Variants in HTR1E observed in about 807,000 individuals in gnomAD.
The protein encoded by HTR1E is 5-HT-1E.
In HTR1E, 3 loss-of-function variants were observed where a neutral mutation model predicts 3.4. The observed-to-expected ratio is 0.89, with a 90% confidence interval of 0.41 to 2.31. HTR1E has a LOEUF of 2.31. Ranked by LOEUF, HTR1E falls within the 30% of genes most tolerant of loss-of-function variation. The pLI is 0.05. For synonymous variants in HTR1E, 170 were observed against 182.8 expected (o/e 0.93, Z 0.56); for missense variants, 392 against 467.0 (o/e 0.84, Z 1.48).
chr6:86,973,013 G>A (rs546677050), intron 1 of HTR1E, among the ~76,000 whole-genome samples: 1 of 152,268 alleles, frequency 6.6e-6, no homozygotes, highest in South Asian at 2.1e-4. Flanking sequence ...TACCACTGCT[G>A]TTTCTAGTTA....
intron 1 of HTR1E, among the ~76,000 whole-genome samples, chr6:86,944,752 G>A (rs1488828671): frequency 6.6e-6 from 1 of 152,146 alleles, no homozygotes; most frequent in Admixed American, 6.5e-5. Context: ...CCACATATAT[G>A]ACAGTGGTCC....
chr6:86,975,122 T>C (rs1190781135), intron 1 of HTR1E, among the ~76,000 whole-genome samples: 1 of 152,174 alleles, frequency 6.6e-6, no homozygotes, highest in Non-Finnish European at 1.5e-5. Context: ...CATGGGAATG[T>C]ATGGAAGTGC....
At chr6:86,940,226 C>T (rs1033815031) in intron 1 of HTR1E, among the ~76,000 whole-genome samples, 1 of 152,078 alleles carries the variant, frequency 6.6e-6, no homozygotes, top group Non-Finnish European at 1.5e-5. Context: ...CACCAAGATA[C>T]CAAGGCTGCA....
intron 1 of HTR1E, among the ~76,000 whole-genome samples, chr6:86,977,230 G>A (rs967422857): frequency 6.6e-5 from 10 of 152,018 alleles, no homozygotes; most frequent in Non-Finnish European, 1.0e-4. Context: ...TTGTTCCCAC[G>A]TTTGTGTCCG....
intron 1 of HTR1E, among the ~76,000 whole-genome samples, chr6:87,009,046 C>T (rs1371187174): frequency 4.0e-5 from 6 of 150,646 alleles, no homozygotes; most frequent in African/African-American, 1.2e-4. Flanking sequence ...ATACGCCACA[C>T]TTCTTTTTAT....
At chr6:86,994,049 G>A (rs746109754) in intron 1 of HTR1E, among the ~76,000 whole-genome samples, 2 of 151,868 alleles carry the variant, frequency 1.3e-5, no homozygotes, top group Non-Finnish European at 2.9e-5. Context: ...GGAAAAGATC[G>A]GTGAACTTAA....
In HTR1E at chr6:86,961,436, A is replaced by G. The variant is rs374550872; in HGVS notation, c.-186+23613A>G. 1.2e-4 allele frequency among the ~76,000 whole-genome samples: 19 copies of G among 152,336 alleles called. No homozygotes were observed. In the East Asian group the frequency reaches 3.7e-3, roughly 29 times the overall value. The stretch of plus-strand genomic sequence containing the variant: ...TTACACATCCCATTTGAATGACACT[A>G]AAATGTATAAAATCAATTATATGAG... On this transcript the variant is annotated intron_variant, in intron 1 of 1. Coordinates refer to ENST00000305344, the MANE Select transcript of HTR1E (RefSeq NM_000865.3).
At chr6:86,977,954 G>A (rs982295560) in intron 1 of HTR1E, among the ~76,000 whole-genome samples, 6 of 151,986 alleles carry the variant, frequency 3.9e-5, no homozygotes, top group East Asian at 1.9e-4. Flanking sequence ...TATCAGATGC[G>A]TAATTTACAA....
chr6:86,966,500 T>A (rs1384198881), intron 1 of HTR1E, among the ~76,000 whole-genome samples: 1 of 152,196 alleles, frequency 6.6e-6, no homozygotes, highest in Non-Finnish European at 1.5e-5. Flanking sequence ...TGTGGGAGAC[T>A]TTCCAAGATT....
chr6:86,949,910 G>A (rs971964973), intron 1 of HTR1E, among the ~76,000 whole-genome samples: 3 of 152,056 alleles, frequency 2.0e-5, no homozygotes, highest in African/African-American at 7.2e-5. Flanking sequence ...TTGGTTAGTA[G>A]GCTCCCGTTA....
intron 1 of HTR1E, among the ~76,000 whole-genome samples, chr6:86,994,576 G>A (rs1472131436): frequency 1.7e-5 from 2 of 115,192 alleles, no homozygotes; most frequent in Non-Finnish European, 3.8e-5. Context: ...TAGGTGAAGG[G>A]AAACTAAGGG....
intron 1 of HTR1E, among the ~76,000 whole-genome samples, chr6:86,966,604 T>C (rs928411867): frequency 6.6e-6 from 1 of 152,118 alleles, no homozygotes; most frequent in Non-Finnish European, 1.5e-5. Flanking sequence ...TCCCATCCCT[T>C]GAGTCTAGGA....
chr6:86,962,730 C>T (rs1030853822), intron 1 of HTR1E, among the ~76,000 whole-genome samples: 3 of 152,050 alleles, frequency 2.0e-5, no homozygotes, highest in African/African-American at 7.2e-5. Context: ...CCCAGCTTCT[C>T]AGGAGGCTGA....
intron 1 of HTR1E, among the ~76,000 whole-genome samples, chr6:86,985,275 GA>G (rs1349384515): frequency 2.0e-5 from 3 of 149,812 alleles, no homozygotes; most frequent in East Asian, 2.0e-4. Flanking sequence ...ACTAGAGACA[GA>G]AAAAAAAAGA....
chr6:87,003,104 A>G lies in HTR1E; in HGVS notation c.-185-12046A>G, dbSNP rs375733314. On this transcript the variant is annotated intron_variant, in intron 1 of 1. Transcript: ENST00000305344. ...AAAAAGCCTTAAAACATTCAAAAAA[A>G]TTGAAATGATATCAAATATCTTCTC... Among the ~76,000 whole-genome samples the G allele has an allele frequency of 2.8e-4, 43 of 152,366 alleles. No homozygotes were observed. In the East Asian group the frequency reaches 6.9e-3, roughly 25 times the overall value.
chr6:87,010,713 A>C (rs1430491019), intron 1 of HTR1E, among the ~76,000 whole-genome samples: 2 of 131,846 alleles, frequency 1.5e-5, no homozygotes, highest in South Asian at 2.7e-4. Context: ...ATGGGCGGCC[A>C]GGCAGAGACA....
At chr6:87,014,206 A>C (rs1171891850) in intron 1 of HTR1E, among the ~76,000 whole-genome samples, 1 of 151,476 alleles carries the variant, frequency 6.6e-6, no homozygotes, top group South Asian at 2.1e-4. Context: ...ACATGTATAC[A>C]TATGTAACAA....
intron 1 of HTR1E, among the ~76,000 whole-genome samples, chr6:86,984,980 C>A (rs950024664): frequency 1.3e-5 from 2 of 152,140 alleles, no homozygotes; most frequent in African/African-American, 4.8e-5. Context: ...TCATCACAAC[C>A]ACAAACACCA....
At chr6:86,957,574 T>C (rs1434130463) in intron 1 of HTR1E, among the ~76,000 whole-genome samples, 1 of 152,212 alleles carries the variant, frequency 6.6e-6, no homozygotes, top group African/African-American at 2.4e-5. Context: ...TGTCCATGAA[T>C]ACCTGAGCCC....
Sources: allele counts gnomAD v4.1 joint callset (sites outside exome capture counted in the v4.1 genomes callset), GRCh38; gene constraint gnomAD v4.1.1; transcripts MANE v1.5; gene names NCBI Gene and HGNC (gene_info 2026-07-23, HGNC 2026-07-21).